LNPEP: variants seen among roughly 807,000 people sequenced by gnomAD.
LNPEP encodes leucyl and cystinyl aminopeptidase.
LNPEP carries 64 observed loss-of-function variants against 120.6 expected under a neutral mutation model. The observed-to-expected ratio is 0.53, with a 90% CI of 0.43 to 0.65. The LOEUF (loss-of-function observed/expected upper bound fraction) is 0.65. Ranked by LOEUF, LNPEP falls within the 30% of genes least tolerant of loss-of-function variation. The pLI, the probability that LNPEP is intolerant of heterozygous loss-of-function variation, is 0.00. For synonymous variants in LNPEP, 435 were observed against 425.4 expected (o/e 1.02, Z -0.28); for missense variants, 1,057 against 1,200.0 (o/e 0.88, Z 1.76).
At chr5:96,955,626 A>G (rs1789450064) in intron 1 of LNPEP, among the ~76,000 whole-genome samples, 1 of 152,238 alleles carries the variant, frequency 6.6e-6, no homozygotes, top group Non-Finnish European at 1.5e-5. Flanking sequence ...CTCAAAAAAG[A>G]AAAAGAAAAA....
At chr5:96,946,204 A>C (rs1185190364) in intron 1 of LNPEP, among the ~76,000 whole-genome samples, 7 of 152,232 alleles carry the variant, frequency 4.6e-5, no homozygotes, top group Non-Finnish European at 7.3e-5. Context: ...CTACATTATG[A>C]AGATAACTCA....
At chr5:97,026,869 CT>C in intron 16 of LNPEP, 112 bp downstream of exon 16, 1 of 812,030 alleles carries the variant, frequency 1.2e-6, no homozygotes, top group Non-Finnish European at 2.0e-6. Flanking sequence ...AGGAAAAATA[CT>C]TCCATGACAG....
intron 1 of LNPEP, chr5:96,958,635 T>A: frequency 3.3e-6 from 1 of 299,944 alleles, no homozygotes; most frequent in Non-Finnish European, 4.9e-6. Context: ...CTCATTGGGC[T>A]AAAACGAAGG....
chr5:96,967,174 AAACACT>A, intron 1 of LNPEP, among the ~76,000 whole-genome samples: 2 of 152,154 alleles, frequency 1.3e-5, no homozygotes, highest in Non-Finnish European at 2.9e-5. Context: ...CTTGATATAA[AAACACT>A]ATAACTGCTC....
chr5:97,030,177 T>G lies in LNPEP; in HGVS notation c.*1644T>G, dbSNP rs1791440379. The G allele has an allele frequency of 6.6e-6, 1 of 152,024 alleles. No individual in the cohort carries two copies. The highest frequency in any genetic ancestry group is 6.5e-5 in the Admixed American group (1 of 15,272). The allele number at this position is 152,024 out of a possible 1,614,324, so 9.4% of individuals were successfully genotyped here. ...AGGCTGGTAAGCTAAAAAAATAGTC[T>G]TCTTTAATCCTAGTGTGTTTTCCCC... On this transcript the variant is annotated 3_prime_UTR_variant, in exon 18 of 18. Transcript: ENST00000231368.
At chr5:96,936,271 C>A in intron 1 of LNPEP, 97 bp downstream of exon 1, 1 of 1,059,358 alleles carries the variant, frequency 9.4e-7, no homozygotes, top group East Asian at 3.2e-5. Flanking sequence ...GCCGTCTCCC[C>A]CAACACCGCG....
At position 97,003,448 on chromosome 5, in the gene LNPEP, C is replaced by T; in HGVS notation, c.1687C>T (p.Leu563Phe). 6.3e-6 allele frequency: 10 copies of T among 1,585,886 alleles called. No homozygotes were observed. The highest frequency in any genetic ancestry group is 7.7e-6 in the Non-Finnish European group (9 of 1,161,880). ...SSLLLMLKTY[L>F]SEDVFQHAVV... ...TCTCTTGTTGATGTTGAAAACTTAC[C>T]TTAGTGAAGATGTGTTTCAACATGC... The change falls in exon 9 of 18, where the codon CTT (leucine) becomes TTT (phenylalanine). Residue 563 changes from leucine to phenylalanine, a missense_variant. By Grantham distance (22) the Leu-to-Phe change is conservative. Coordinates refer to ENST00000231368, the MANE Select transcript of LNPEP (RefSeq NM_005575.3).
At chr5:97,013,520 A>T in intron 11 of LNPEP, 128 bp from the exon 12 acceptor site, 1 of 485,754 alleles carries the variant, frequency 2.1e-6, no homozygotes, top group Non-Finnish European at 3.6e-6. Context: ...CTGTACTTGG[A>T]GACAGGCATT....
chr5:96,991,268 T>G (rs985213554), intron 4 of LNPEP, among the ~76,000 whole-genome samples: 4 of 152,228 alleles, frequency 2.6e-5, no homozygotes, highest in African/African-American at 9.6e-5. Flanking sequence ...CTGAGTAGTA[T>G]TCCATGGTAT....
At position 96,936,346 on chromosome 5, in the gene LNPEP, G is replaced by A. The variant is rs1271039134; in HGVS notation, c.19+172G>A. 1.3e-5 allele frequency: 6 copies of A among 475,060 alleles called. No homozygotes were observed. The East Asian group carries it at 1.5e-4, about 12-fold the overall frequency. 29.4% of individuals were successfully genotyped at this position (475,060 alleles called of 1,614,324 possible). On this transcript the variant is annotated intron_variant, in intron 1 of 17. Transcript: ENST00000231368. ...CTGGGGGAGGCAGGGAGGTTCGGGGGGCGGGCGGCGGCCAGTGCGGGACCC... is the reference window on the plus strand; with the variant it reads ...CTGGGGGAGGCAGGGAGGTTCGGGGAGCGGGCGGCGGCCAGTGCGGGACCC...
chr5:96,973,979 T>G (rs778341520), intron 1 of LNPEP, among the ~76,000 whole-genome samples: 1 of 152,182 alleles, frequency 6.6e-6, no homozygotes, highest in Non-Finnish European at 1.5e-5. Flanking sequence ...CCCTATATGT[T>G]TAACCCTGTC....
intron 8 of LNPEP, 126 bp from the exon 9 acceptor site, chr5:97,003,289 A>G: frequency 3.5e-6 from 2 of 571,382 alleles, no homozygotes; most frequent in South Asian, 2.3e-5. Flanking sequence ...GCAGTATATT[A>G]TAACTAAGTT....
intron 4 of LNPEP, 144 bp downstream of exon 4, chr5:96,986,814 T>G: frequency 1.3e-6 from 1 of 766,316 alleles, no homozygotes; most frequent in Non-Finnish European, 2.1e-6. Flanking sequence ...AATGCTACTT[T>G]TTTGCTTAGC....
chr5:97,020,491 A>G (rs951127328), intron 13 of LNPEP, among the ~76,000 whole-genome samples: 9 of 151,882 alleles, frequency 5.9e-5, no homozygotes, highest in African/African-American at 2.2e-4. Flanking sequence ...TTATGTAGCC[A>G]TGAAGGTTTT....
intron 13 of LNPEP, among the ~76,000 whole-genome samples, chr5:97,020,090 T>C (rs1215841391): frequency 6.6e-6 from 1 of 152,282 alleles, no homozygotes; most frequent in Non-Finnish European, 1.5e-5. Context: ...TGACATGTTA[T>C]ACAAACCTTG....
At chr5:97,018,867 G>T (rs550053585) in intron 13 of LNPEP, among the ~76,000 whole-genome samples, 20 of 152,294 alleles carry the variant, frequency 1.3e-4, no homozygotes, top group African/African-American at 4.8e-4. Context: ...GATGGGTAGG[G>T]TCTGGAGGCA....
chr5:97,023,314 C>T (rs1051032306), intron 14 of LNPEP, among the ~76,000 whole-genome samples: 10 of 151,860 alleles, frequency 6.6e-5, no homozygotes, highest in Admixed American at 2.0e-4. Context: ...AGTGCAGTGG[C>T]GCGATCTCAG....
Position 97,020,924 on chromosome 5 carries a change from A to AC in LNPEP, c.2377-1373dup, listed in dbSNP as rs1658075537. Among the ~76,000 whole-genome samples the AC allele has an allele frequency of 4.6e-5, 7 of 151,936 alleles. No homozygotes were observed. The South Asian group carries it at 1.5e-3, about 32-fold the overall frequency. ...AAAATATCATGTGCCCTCACCCCCC[A>AC]CCCGCCATGCACAACTTGCAGAATG... is the stretch of plus-strand genomic sequence containing the variant. On this transcript the variant is annotated intron_variant, in intron 13 of 17. Coordinates refer to ENST00000231368, the MANE Select transcript of LNPEP (RefSeq NM_005575.3).
rs1253285974 is a variant in LNPEP, at chr5:97,031,272, G to A, written c.*2739G>A. ...TGAATGTAGGAATTAGATAAGTCCA[G>A]TTTGTTCTGTTAATATAAAATGGTT... is the stretch of plus-strand genomic sequence containing the variant. On this transcript the variant is annotated 3_prime_UTR_variant, in exon 18 of 18. Transcript: ENST00000231368. 1 of 151,974 alleles carries A rather than the reference G, an allele frequency of 6.6e-6. No individual in the cohort carries two copies. Among genetic ancestry groups the A allele is most frequent in the African/African-American group, 2.4e-5 (1 of 41,352 alleles). The allele number at this position is 151,974 out of a possible 1,614,324, so 9.4% of individuals were successfully genotyped here. A position where few individuals can be genotyped will look rare whatever the true frequency, so the allele number is the denominator to read the frequency against.
Sources: gnomAD v4.1 joint callset for allele counts (sites outside exome capture counted in the v4.1 genomes callset) on GRCh38, gnomAD v4.1.1 for gene constraint, MANE v1.5 for transcripts, NCBI Gene and HGNC (gene_info 2026-07-23, HGNC 2026-07-21) for gene names.